The following IQANK1 variants were observed in gnomAD, a reference collection of about 807,000 sequenced individuals.
The protein encoded by IQANK1 is IQ motif and ankyrin repeat containing 1, also known as IQ motif and ankyrin repeat domain-containing protein 1.
Under a neutral mutation model 22.6 loss-of-function variants are expected in IQANK1, and 30 were observed. That is an observed-to-expected ratio of 1.33 (90% CI 0.99 to 1.80). The LOEUF is 1.80. Ranked by LOEUF, IQANK1 falls within the 40% of genes most tolerant of loss-of-function variation. The pLI is 0.00. For missense variants in IQANK1, 275 were observed against 235.2 expected (o/e 1.17, Z -1.11); for synonymous variants, 122 against 99.6 (o/e 1.23, Z -1.34).
At chr8:143,767,424 T>C (rs1819499614) in intron 3 of IQANK1, among the ~76,000 whole-genome samples, 1 of 152,204 alleles carries the variant, frequency 6.6e-6, no homozygotes, top group Admixed American at 6.5e-5. Context: ...TATTTGACAA[T>C]TGTTTACTTT....
intron 2 of IQANK1, among the ~76,000 whole-genome samples, chr8:143,739,050 G>A (rs1818823189): frequency 1.3e-5 from 2 of 152,212 alleles, no homozygotes; most frequent in Non-Finnish European, 2.9e-5. Flanking sequence ...GTGGGGCCCC[G>A]AGGAAAGTCC....
intron 3 of IQANK1, chr8:143,742,285 T>C (rs782589154): frequency 2.3e-6 from 1 of 432,356 alleles, no homozygotes; most frequent in South Asian, 1.6e-5. Context: ...CCACAGGAAG[T>C]GGGTGATGAG....
chr8:143,738,161 T>C (rs1313502050), intron 2 of IQANK1, among the ~76,000 whole-genome samples: 2 of 152,112 alleles, frequency 1.3e-5, no homozygotes, highest in Non-Finnish European at 2.9e-5. Context: ...AGGGCCCTGC[T>C]GCCCAGCTGC....
chr8:143,736,150 T>G (rs1554625636), intron 2 of IQANK1, among the ~76,000 whole-genome samples: 1 of 151,710 alleles, frequency 6.6e-6, no homozygotes, highest in African/African-American at 2.4e-5. Context: ...TATTTTTTTT[T>G]TTTTTTTTGA....
intron 7 of IQANK1, among the ~76,000 whole-genome samples, chr8:143,780,448 A>G (rs1260790731): frequency 3.9e-5 from 6 of 152,060 alleles, no homozygotes; most frequent in South Asian, 4.2e-4. Context: ...CCAGTACCCA[A>G]TAGTTTTCTG....
At chr8:143,785,253 CTTTT>C (rs36118052) in intron 7 of IQANK1, among the ~76,000 whole-genome samples, 8 of 92,028 alleles carry the variant, frequency 8.7e-5, no homozygotes, top group Admixed American at 2.5e-4. Flanking sequence ...TGTTCTGTAT[CTTTT>C]TTTTTTTTTT....
chr8:143,756,935 G>A (rs1289426438), intron 3 of IQANK1, among the ~76,000 whole-genome samples: 6 of 151,516 alleles, frequency 4.0e-5, no homozygotes, highest in Non-Finnish European at 8.8e-5. Context: ...CTGTGATCGC[G>A]CCACTGCACT....
chr8:143,790,434 G>A lies in IQANK1; in HGVS notation c.1509G>A (p.Arg503=), dbSNP rs919574702. The A allele has an allele frequency of 7.1e-5, 41 of 580,330 alleles. No individual in the cohort carries two copies. Among genetic ancestry groups the A allele is most frequent in the African/African-American group, 9.7e-5 (5 of 51,644 alleles). 35.9% of individuals were successfully genotyped at this position (580,330 alleles called of 1,614,324 possible). The change falls in exon 14 of 14, where the codon AGG becomes AGA. Residue 503 remains arginine (R), a synonymous_variant. Transcript: ENST00000527139. ...VQRQLEAVQE[R]YLSLLRPTDG... Reference sequence around the variant, plus strand: ...GGCAGCTGGAGGCGGTGCAGGAGAGGTACCTGTCGCTGCTGCGGCCCACGG... The same window carrying A: ...GGCAGCTGGAGGCGGTGCAGGAGAGATACCTGTCGCTGCTGCGGCCCACGG...
At chr8:143,772,600 C>A (rs1554629906) in intron 7 of IQANK1, 118 bp downstream of exon 7, 1 of 397,446 alleles carries the variant, frequency 2.5e-6, no homozygotes, top group African/African-American at 2.1e-5. Context: ...CAGGTGCACA[C>A]CCAGGCAGGG....
chr8:143,748,290 C>A (rs1198877865), intron 3 of IQANK1, among the ~76,000 whole-genome samples: 3 of 151,488 alleles, frequency 2.0e-5, no homozygotes, highest in African/African-American at 7.3e-5. Context: ...CCACCATGCC[C>A]AGCAAGTCCT....
At chr8:143,743,105 C>T (rs1271731551) in intron 3 of IQANK1, 2 of 444,760 alleles carry the variant, frequency 4.5e-6, no homozygotes, top group Non-Finnish European at 4.6e-6. Flanking sequence ...GCAGGGTAGC[C>T]ACCGGGCACG....
At chr8:143,769,133 GC>G (rs1216553327) in intron 3 of IQANK1, among the ~76,000 whole-genome samples, 8 of 152,040 alleles carry the variant, frequency 5.3e-5, no homozygotes, top group African/African-American at 1.9e-4. Flanking sequence ...CATGATCATG[GC>G]TCACTGCAGC....
intron 2 of IQANK1, among the ~76,000 whole-genome samples, chr8:143,737,093 T>C (rs782248390): frequency 1.6e-4 from 25 of 152,166 alleles, no homozygotes; most frequent in Non-Finnish European, 3.1e-4. Context: ...TTCCCCAAAA[T>C]AGCCCCAGCT....
At chr8:143,775,823 C>CACACACACACACACACAA in intron 7 of IQANK1, among the ~76,000 whole-genome samples, 1 of 140,954 alleles carries the variant, frequency 7.1e-6, no homozygotes, top group East Asian at 1.9e-4. Context: ...CACACACACA[C>CACACACACACACACACAA]CATTCCTAAA....
rs199814811 is a variant in IQANK1, at chr8:143,762,326, A to AAGGGAGGG, written c.176-9152_176-9145dup. Among the ~76,000 whole-genome samples the AAGGGAGGG allele has an allele frequency of 4.4e-4, 65 of 149,208 alleles. 2 individuals are homozygous for AAGGGAGGG. The highest frequency in any genetic ancestry group is 1.6e-3 in the African/African-American group (63 of 40,198). ...CTCCATCTAAAGGAAGGAAGGAAGG[A>AAGGGAGGG]AGGGAGGGAGGGAGGGAAAAGAAAA... On this transcript the variant is annotated intron_variant, in intron 3 of 13. Transcript: ENST00000527139.
At chr8:143,781,397 G>A (rs1331074815) in intron 7 of IQANK1, among the ~76,000 whole-genome samples, 7 of 152,154 alleles carry the variant, frequency 4.6e-5, no homozygotes, top group Admixed American at 6.5e-5. Flanking sequence ...ATTTTTGCCC[G>A]TTCTTATGTC....
At position 143,789,867 on chromosome 8, in the gene IQANK1, AG is replaced by A; in HGVS notation, c.1195+1del. ...ARLELREQTQ[E>X]GEEEAPGLKC... ...CTGGAGCTTCGGGAGCAGACGCAGG[AG>A]GGTGGGCCTGGCATGGGGCGCCGGC... is the stretch of plus-strand genomic sequence containing the variant. On this transcript the variant is annotated frameshift_variant and splice_region_variant, in exon 11 of 14. Coordinates refer to ENST00000527139, the MANE Select transcript of IQANK1 (RefSeq NM_001381874.1). LOFTEE classifies it high-confidence loss of function. The A allele has an allele frequency of 8.1e-7, 1 of 1,231,996 alleles. No homozygotes were observed. Among genetic ancestry groups the A allele is most frequent in the Non-Finnish European group, 1.0e-6 (1 of 988,082 alleles). The allele number at this position is 1,231,996 out of a possible 1,614,324, so 76.3% of individuals were successfully genotyped here.
At chr8:143,748,949 CTA>C (rs1329739994) in intron 3 of IQANK1, among the ~76,000 whole-genome samples, 2 of 104,624 alleles carry the variant, frequency 1.9e-5, no homozygotes, top group Non-Finnish European at 3.5e-5. Context: ...ATACATATAT[CTA>C]TATATAAATA....
chr8:143,775,172 G>T (rs1587489357), intron 7 of IQANK1, among the ~76,000 whole-genome samples: 1 of 151,672 alleles, frequency 6.6e-6, no homozygotes, highest in South Asian at 2.1e-4. Flanking sequence ...CCTGTAGATT[G>T]TACTATGTCA....
Sources: gnomAD v4.1 joint callset for allele counts (sites outside exome capture counted in the v4.1 genomes callset) on GRCh38, gnomAD v4.1.1 for gene constraint, MANE v1.5 for transcripts, NCBI Gene and HGNC (gene_info 2026-07-23, HGNC 2026-07-21) for gene names.